The following LPP variants were observed in gnomAD, a reference collection of about 807,000 sequenced individuals.
LPP encodes LIM domain containing preferred translocation partner in lipoma, also known as lipoma-preferred partner.
A neutral mutation model predicts 60.4 loss-of-function variants in LPP; 38 were observed. The ratio of observed to expected loss-of-function variants is 0.63; its 90% confidence interval spans 0.49 to 0.83. LPP has a LOEUF of 0.83. LPP is among the 40% of genes least tolerant of loss of function. The pLI is 0.00. For missense variants in LPP, 902 were observed against 783.6 expected (o/e 1.15, Z -1.80); for synonymous variants, 328 against 290.8 (o/e 1.13, Z -1.30).
At chr3:188,432,411 C>T (rs1430391806) in intron 4 of LPP, among the ~76,000 whole-genome samples, 1 of 151,986 alleles carries the variant, frequency 6.6e-6, no homozygotes, top group Non-Finnish European at 1.5e-5. Flanking sequence ...AAAATGGAAC[C>T]CTCCCAGAAG....
At chr3:188,650,121 G>T (rs1249829016) in intron 7 of LPP, among the ~76,000 whole-genome samples, 2 of 152,132 alleles carry the variant, frequency 1.3e-5, no homozygotes, top group Non-Finnish European at 2.9e-5. Flanking sequence ...TCTACAAACT[G>T]TTATGCCCTC....
At chr3:188,396,994 A>T (rs1236239908) in intron 3 of LPP, among the ~76,000 whole-genome samples, 7 of 152,194 alleles carry the variant, frequency 4.6e-5, no homozygotes, top group Admixed American at 1.3e-4. Context: ...ACGTGGAACA[A>T]TTGTTATCAA....
chr3:188,684,004 T>C (rs372881570), intron 7 of LPP, among the ~76,000 whole-genome samples: 6 of 152,252 alleles, frequency 3.9e-5, no homozygotes, highest in East Asian at 1.9e-4. Context: ...TATCTTTACA[T>C]GAACAAGAGA....
intron 1 of LPP, among the ~76,000 whole-genome samples, chr3:188,202,599 T>C (rs1291909381): frequency 2.0e-5 from 3 of 152,196 alleles, no homozygotes; most frequent in Non-Finnish European, 2.9e-5. Flanking sequence ...ATGACTGCAG[T>C]TGATCCTGGG....
At chr3:188,421,731 T>C (rs1362532123) in intron 4 of LPP, among the ~76,000 whole-genome samples, 1 of 152,198 alleles carries the variant, frequency 6.6e-6, no homozygotes, top group Admixed American at 6.6e-5. Context: ...GTTTTGCCTG[T>C]CTCCATCTGC....
rs184218907 is a variant in LPP at position 188,202,833 on chromosome 3, G to A, written c.-189-22572G>A. ...GTTTCATTTCTGAAGTCTTTTCTTGGGAGGGAAAAGGATGTGTGGATATAT... is the reference window on the plus strand; with the variant it reads ...GTTTCATTTCTGAAGTCTTTTCTTGAGAGGGAAAAGGATGTGTGGATATAT... On this transcript the variant is annotated intron_variant, in intron 1 of 11. Coordinates refer to ENST00000617246, the MANE Select transcript of LPP (RefSeq NM_001375462.1). 2.9e-3 allele frequency among the ~76,000 whole-genome samples: 443 copies of A among 152,056 alleles called. 1 individual carries two copies. Among genetic ancestry groups the A allele is most frequent in the Middle Eastern group, 6.8e-3 (2 of 294 alleles).
chr3:188,662,331 G>A (rs1854768280), intron 7 of LPP, among the ~76,000 whole-genome samples: 2 of 152,106 alleles, frequency 1.3e-5, no homozygotes, highest in African/African-American at 2.4e-5. Flanking sequence ...GGTTCAACTG[G>A]CACAAACAGT....
chr3:188,704,362 T>G (rs1865062088), intron 7 of LPP, among the ~76,000 whole-genome samples: 1 of 152,218 alleles, frequency 6.6e-6, no homozygotes, highest in African/African-American at 2.4e-5. Context: ...TCACTTTAAT[T>G]CTTACAGAGA....
chr3:188,878,024 A>G lies in LPP; in HGVS notation c.*3545A>G, dbSNP rs1769451089. On this transcript the variant is annotated 3_prime_UTR_variant, in exon 12 of 12. Coordinates refer to ENST00000617246, the MANE Select transcript of LPP (RefSeq NM_001375462.1). ...TAAAGGATATGAAACTCTACATTTA[A>G]ACAAGTATTTTATATTTGGGTACAG... 1 of 217,704 alleles carries G rather than the reference A, an allele frequency of 4.6e-6. No individual in the cohort carries two copies. The highest frequency in any genetic ancestry group is 1.8e-4 in the South Asian group (1 of 5,434). The allele number at this position is 217,704 out of a possible 1,614,324, so 13.5% of individuals were successfully genotyped here.
chr3:188,668,729 A>T (rs1179718489), intron 7 of LPP, among the ~76,000 whole-genome samples: 1 of 152,218 alleles, frequency 6.6e-6, no homozygotes, highest in Non-Finnish European at 1.5e-5. Context: ...TGGGACAATT[A>T]CTTATTCTTT....
chr3:188,212,388 GT>G (rs1184294524), intron 1 of LPP, among the ~76,000 whole-genome samples: 1 of 152,146 alleles, frequency 6.6e-6, no homozygotes, highest in Non-Finnish European at 1.5e-5. Flanking sequence ...ATAGGACAGT[GT>G]ATGGAAGGGT....
intron 3 of LPP, among the ~76,000 whole-genome samples, chr3:188,366,447 T>C (rs182687779): frequency 1.4e-3 from 207 of 152,272 alleles, no homozygotes; most frequent in African/African-American, 4.9e-3. Flanking sequence ...CTGGAGGTTA[T>C]GTCAGCGGTG....
chr3:188,592,557 G>GTTGTTGTTTGTTTTTTTTTT (rs1553936334), intron 6 of LPP, among the ~76,000 whole-genome samples: 3 of 85,752 alleles, frequency 3.5e-5, no homozygotes, highest in East Asian at 4.8e-4. Context: ...TTTTGTTTTT[G>GTTGTTGTTTGTTTTTTTTTT]TTTTTTAAAT....
chr3:188,762,803 T>G (rs1325586462), intron 9 of LPP, among the ~76,000 whole-genome samples: 2 of 152,054 alleles, frequency 1.3e-5, no homozygotes, highest in Non-Finnish European at 2.9e-5. Context: ...CATAAGAACA[T>G]TTAATCAAGG....
chr3:188,626,279 A>G (rs756322743), intron 7 of LPP, among the ~76,000 whole-genome samples: 33 of 152,210 alleles, frequency 2.2e-4, no homozygotes, highest in Non-Finnish European at 2.1e-4. Context: ...AAAATACAAT[A>G]TAACAAGTAT....
chr3:188,502,834 A>G (rs1322038552), intron 5 of LPP, among the ~76,000 whole-genome samples: 4 of 152,100 alleles, frequency 2.6e-5, no homozygotes, highest in African/African-American at 4.8e-5. Flanking sequence ...TATAAAGCTT[A>G]TTTTATAATA....
chr3:188,305,903 AC>A (rs140384391), intron 2 of LPP, among the ~76,000 whole-genome samples: 3,017 of 151,822 alleles, frequency 0.02, 94 homozygotes, highest in African/African-American at 0.068. Context: ...GTTTAATTAC[AC>A]TAAATATTCT....
chr3:188,882,526 A>G lies in LPP; in HGVS notation c.*8047A>G. The G allele has an allele frequency of 4.5e-6, 1 of 224,386 alleles. No homozygotes were observed. The highest frequency in any genetic ancestry group is 6.5e-5 in the East Asian group (1 of 15,382). The allele number at this position is 224,386 out of a possible 1,614,324, so 13.9% of individuals were successfully genotyped here. ...ATGGACAGGAAGCAGCCCTCCATGAACTTTATTATCACAGAATATGAGCAT... is the reference window on the plus strand; with the variant it reads ...ATGGACAGGAAGCAGCCCTCCATGAGCTTTATTATCACAGAATATGAGCAT... On this transcript the variant is annotated 3_prime_UTR_variant, in exon 12 of 12. Coordinates refer to ENST00000617246, the MANE Select transcript of LPP (RefSeq NM_001375462.1).
chr3:188,249,030 G>A (rs1728125493), intron 2 of LPP, among the ~76,000 whole-genome samples: 1 of 152,088 alleles, frequency 6.6e-6, no homozygotes, highest in South Asian at 2.1e-4. Flanking sequence ...TTGGACATGT[G>A]AGGTGTTTGT....
Sources: allele counts gnomAD v4.1 joint callset (sites outside exome capture counted in the v4.1 genomes callset), GRCh38; gene constraint gnomAD v4.1.1; transcripts MANE v1.5; gene names NCBI Gene and HGNC (gene_info 2026-07-23, HGNC 2026-07-21).